The following ALCAM variants were observed in gnomAD, a reference collection of about 807,000 sequenced individuals.
ALCAM encodes the protein activated leukocyte cell adhesion molecule, also known as CD166 antigen.
ALCAM carries 30 observed loss-of-function variants against 70.9 expected under a neutral mutation model. The ratio of observed to expected loss-of-function variants is 0.42; its 90% CI spans 0.32 to 0.57. The LOEUF is 0.57. Among genes scored for constraint, ALCAM ranks in the 20% least tolerant of loss-of-function variants. ALCAM has a pLI of 0.11. For missense variants in ALCAM, 591 were observed against 695.1 expected, an observed-to-expected ratio of 0.85 and a Z score of 1.68; for synonymous variants, 249 against 242.5, an observed-to-expected ratio of 1.03 and a Z score of -0.25.
chr3:105,439,132 G>A (rs921769935), intron 1 of ALCAM, among the ~76,000 whole-genome samples: 3 of 152,088 alleles, frequency 2.0e-5, no homozygotes, highest in Non-Finnish European at 4.4e-5. Context: ...AGTAGCTAGG[G>A]TAATGAGTTA....
At chr3:105,533,748 T>C (rs1939902120) in intron 5 of ALCAM, 58 bp downstream of exon 5, 1 of 1,511,146 alleles carries the variant, frequency 6.6e-7, no homozygotes, top group African/African-American at 1.4e-5. Context: ...CTGACTTTCT[T>C]TGTTCTAGGT....
chr3:105,417,760 A>G (rs1036581), intron 1 of ALCAM, among the ~76,000 whole-genome samples: 81,621 of 151,350 alleles, frequency 0.54, 22,726 homozygotes, highest in East Asian at 0.89. Flanking sequence ...TGTTCTTCCA[A>G]AGTAGTAGTA....
At chr3:105,489,095 G>A (rs1403774279) in intron 1 of ALCAM, among the ~76,000 whole-genome samples, 1 of 152,162 alleles carries the variant, frequency 6.6e-6, no homozygotes, top group Non-Finnish European at 1.5e-5. Context: ...AAAGGGAAAA[G>A]TTGAGATCCA....
At chr3:105,386,289 C>A (rs891678971) in intron 1 of ALCAM, among the ~76,000 whole-genome samples, 1 of 151,568 alleles carries the variant, frequency 6.6e-6, no homozygotes, top group Non-Finnish European at 1.5e-5. Context: ...AGTAAAATGT[C>A]TTTTGTTAGA....
chr3:105,498,273 C>A (rs986033742), intron 1 of ALCAM, among the ~76,000 whole-genome samples: 22 of 152,018 alleles, frequency 1.4e-4, no homozygotes, highest in Non-Finnish European at 2.9e-5. Context: ...TGGGTTTTTT[C>A]CTCCACTCTT....
intron 1 of ALCAM, among the ~76,000 whole-genome samples, chr3:105,451,896 C>G (rs1186393115): frequency 1.3e-5 from 2 of 152,122 alleles, no homozygotes; most frequent in African/African-American, 4.8e-5. Context: ...CCCAAATTCA[C>G]CCCATATACA....
At chr3:105,512,921 T>C (rs1939275648) in intron 1 of ALCAM, among the ~76,000 whole-genome samples, 1 of 151,830 alleles carries the variant, frequency 6.6e-6, no homozygotes, top group Non-Finnish European at 1.5e-5. Context: ...ATACATGTTT[T>C]TGAGCAAAAT....
intron 1 of ALCAM, among the ~76,000 whole-genome samples, chr3:105,499,198 G>A (rs1419746365): frequency 1.3e-5 from 2 of 152,088 alleles, no homozygotes; most frequent in East Asian, 3.9e-4. Flanking sequence ...AAGCCCTGTG[G>A]AGTGGCAACC....
At chr3:105,409,946 A>G (rs1286881169) in intron 1 of ALCAM, among the ~76,000 whole-genome samples, 2 of 152,060 alleles carry the variant, frequency 1.3e-5, no homozygotes, top group African/African-American at 2.4e-5. Flanking sequence ...AACATGCTCC[A>G]TGAGAGAGGT....
At chr3:105,537,994 T>C (rs2152628377) in intron 6 of ALCAM, among the ~76,000 whole-genome samples, 1 of 152,274 alleles carries the variant, frequency 6.6e-6, no homozygotes, top group African/African-American at 2.4e-5. Context: ...AGACTCTCAC[T>C]TGAGCTGGGT....
chr3:105,525,781 A>G (rs1939690149), intron 3 of ALCAM, among the ~76,000 whole-genome samples: 1 of 152,218 alleles, frequency 6.6e-6, no homozygotes, highest in Non-Finnish European at 1.5e-5. Flanking sequence ...TTGTAAGAGC[A>G]TATTACATGT....
chr3:105,523,326 A>C (rs1387340054), intron 2 of ALCAM, among the ~76,000 whole-genome samples: 4 of 152,300 alleles, frequency 2.6e-5, no homozygotes, highest in Middle Eastern at 3.4e-3. Context: ...CCTGTGATTA[A>C]AACAGTTAAG....
intron 1 of ALCAM, among the ~76,000 whole-genome samples, chr3:105,405,159 C>T (rs1259259628): frequency 6.6e-6 from 1 of 151,586 alleles, no homozygotes; most frequent in African/African-American, 2.4e-5. Context: ...TGCCTGTAAT[C>T]CCAGCTACTT....
chr3:105,521,076 T>C (rs539840059), intron 2 of ALCAM, among the ~76,000 whole-genome samples: 3 of 146,728 alleles, frequency 2.0e-5, no homozygotes, highest in African/African-American at 7.6e-5. Flanking sequence ...CCGAGGCGGG[T>C]GGATCATGAG....
In ALCAM at chr3:105,552,556, C is replaced by T. The variant is rs199833756; in HGVS notation, c.1635C>T (p.Val545=). 22 of 1,611,446 alleles carry T rather than the reference C, an allele frequency of 1.4e-5. No individual in the cohort carries two copies. The highest frequency in any genetic ancestry group is 9.4e-5 in the African/African-American group (7 of 74,784). ...TCCTTGCTGCCCTTGTTGCTGGTGT[C>T]GTCTACTGGCTGTACATGAAGAAGT... ...GLLLAALVAG[V]VYWLYMKKSK... is the part of the protein sequence containing the mutation. Residue 545 remains valine, a synonymous_variant, in exon 14 of 16, where the codon GTC becomes GTT. Transcript: ENST00000306107.
At chr3:105,427,144 G>T (rs886454338) in intron 1 of ALCAM, among the ~76,000 whole-genome samples, 10 of 151,874 alleles carry the variant, frequency 6.6e-5, no homozygotes, top group African/African-American at 2.4e-4. Flanking sequence ...CATGCCCAGG[G>T]TGAAAATGGA....
chr3:105,386,552 A>G (rs1935661101), intron 1 of ALCAM, among the ~76,000 whole-genome samples: 1 of 151,406 alleles, frequency 6.6e-6, no homozygotes. Flanking sequence ...GGTCCCTAGC[A>G]TTAGACCCTG....
rs1369816921 is a variant in ALCAM at position 105,409,176 on chromosome 3, A to C, written c.73+41695A>C. 2.0e-5 allele frequency among the ~76,000 whole-genome samples: 3 copies of C among 152,248 alleles called. No individual in the cohort carries two copies. In the East Asian group the frequency reaches 5.8e-4, roughly 29 times the overall value. On this transcript the variant is annotated intron_variant, in intron 1 of 15. Transcript: ENST00000306107. ...AAACTAAAAGTAGATCTACTATTTG[A>C]TCCAGCAATCCCGCCACTAGGTATC...
intron 1 of ALCAM, among the ~76,000 whole-genome samples, chr3:105,371,688 AAC>A (rs1935236586): frequency 1.3e-5 from 2 of 152,050 alleles, no homozygotes; most frequent in Non-Finnish European, 2.9e-5. Flanking sequence ...TACAATTCCA[AAC>A]ACACTTCTTT....
Sources: gnomAD v4.1 joint callset for allele counts (sites outside exome capture counted in the v4.1 genomes callset) on GRCh38, gnomAD v4.1.1 for gene constraint, MANE v1.5 for transcripts, NCBI Gene and HGNC (gene_info 2026-07-23, HGNC 2026-07-21) for gene names.